Variants in RAB31 observed in about 807,000 individuals in gnomAD.
RAB31 encodes ras-related protein Rab-31.
A neutral mutation model predicts 25.6 loss-of-function variants in RAB31; 21 were observed. The observed-to-expected ratio is 0.82, with a 90% CI of 0.58 to 1.18. RAB31 has a LOEUF of 1.18. Ranked by LOEUF, RAB31 falls within the 50% of genes most tolerant of loss-of-function variation. RAB31 has a pLI of 0.00. For missense variants in RAB31, 196 were observed against 250.1 expected (o/e 0.78, Z 1.46); for synonymous variants, 87 against 84.0 (o/e 1.04, Z -0.20).
At chr18:9,770,819 C>A (rs1388966749) in intron 1 of RAB31, among the ~76,000 whole-genome samples, 1 of 150,080 alleles carries the variant, frequency 6.7e-6, no homozygotes, top group Non-Finnish European at 1.5e-5. Flanking sequence ...CCAGAAAGCA[C>A]TAGTAAAGTA....
chr18:9,769,926 C>G (rs1471780748), intron 1 of RAB31, among the ~76,000 whole-genome samples: 2 of 152,330 alleles, frequency 1.3e-5, no homozygotes, highest in South Asian at 2.1e-4. Flanking sequence ...GCCTTTTCTG[C>G]ATCTATTGAG....
At chr18:9,732,263 G>A (rs1021915660) in intron 1 of RAB31, among the ~76,000 whole-genome samples, 6 of 152,122 alleles carry the variant, frequency 3.9e-5, no homozygotes, top group Admixed American at 1.3e-4. Context: ...GGAGAGGGCC[G>A]GTCACCGGAT....
At chr18:9,775,445 G>C in intron 2 of RAB31, 88 bp downstream of exon 2, 1 of 1,570,932 alleles carries the variant, frequency 6.4e-7, no homozygotes, top group South Asian at 1.1e-5. Flanking sequence ...CCTTCAGGCA[G>C]GGCCACAGTT....
chr18:9,729,526 CA>C (rs11431212), intron 1 of RAB31, among the ~76,000 whole-genome samples: 216 of 131,532 alleles, frequency 1.6e-3, no homozygotes, highest in Middle Eastern at 4.2e-3. Flanking sequence ...GACTCCGTCT[CA>C]AAAAAAAAAA....
Position 9,731,164 on chromosome 18 carries a change from C to T in RAB31, c.39+22720C>T, listed in dbSNP as rs1048292348. On this transcript the variant is annotated intron_variant, in intron 1 of 6. Transcript: ENST00000578921. ...CTCACTGTGTTGATCAGGCTGGTCT[C>T]GAACTCCTGGACTCAAGTGATCGTC... 3.9e-5 allele frequency among the ~76,000 whole-genome samples: 6 copies of T among 152,254 alleles called. No individual in the cohort carries two copies. In the East Asian group the frequency reaches 9.7e-4, roughly 25 times the overall value.
intron 6 of RAB31, among the ~76,000 whole-genome samples, chr18:9,853,423 G>T (rs937426741): frequency 3.3e-5 from 5 of 152,176 alleles, no homozygotes; most frequent in African/African-American, 1.2e-4. Context: ...AGTGAAAGGA[G>T]CCAATCTGAA....
At chr18:9,754,570 G>A (rs886199267) in intron 1 of RAB31, among the ~76,000 whole-genome samples, 11 of 152,266 alleles carry the variant, frequency 7.2e-5, no homozygotes, top group African/African-American at 2.4e-4. Flanking sequence ...GTGAGTCACT[G>A]CACCCAGCCC....
chr18:9,800,571 C>T (rs1343119990), intron 3 of RAB31, among the ~76,000 whole-genome samples: 2 of 152,106 alleles, frequency 1.3e-5, no homozygotes, highest in Non-Finnish European at 2.9e-5. Context: ...TTTCCCTGAC[C>T]CCCTTCTTAC....
chr18:9,710,999 GT>G (rs2068014277), intron 1 of RAB31, among the ~76,000 whole-genome samples: 1 of 150,156 alleles, frequency 6.7e-6, no homozygotes, highest in Non-Finnish European at 1.5e-5. Context: ...AAATGACCTT[GT>G]TGTCCACACT....
chr18:9,843,417 G>A (rs574774759), intron 5 of RAB31, among the ~76,000 whole-genome samples: 62 of 151,862 alleles, frequency 4.1e-4, no homozygotes, highest in Non-Finnish European at 7.1e-4. Context: ...GTGGTGGTGC[G>A]CACCTGTAAT....
intron 1 of RAB31, among the ~76,000 whole-genome samples, chr18:9,732,989 G>A (rs763939714): frequency 5.3e-5 from 8 of 152,214 alleles, no homozygotes; most frequent in Non-Finnish European, 1.0e-4. Context: ...CAATGGTGAT[G>A]AGCTGAGCTT....
intron 3 of RAB31, among the ~76,000 whole-genome samples, chr18:9,797,732 C>G (rs544342412): frequency 1.3e-5 from 2 of 152,304 alleles, no homozygotes; most frequent in East Asian, 1.9e-4. Context: ...TCAGATATCT[C>G]TACGTGATTG....
chr18:9,856,929 A>G (rs866620062), intron 6 of RAB31, among the ~76,000 whole-genome samples: 4 of 151,876 alleles, frequency 2.6e-5, no homozygotes, highest in African/African-American at 7.2e-5. Context: ...TTCCTTCTCT[A>G]TTTATCACTT....
intron 1 of RAB31, among the ~76,000 whole-genome samples, chr18:9,761,206 T>A (rs985202530): frequency 2.0e-5 from 3 of 152,158 alleles, no homozygotes; most frequent in Non-Finnish European, 2.9e-5. Flanking sequence ...GAGAGTAGAC[T>A]CCTGTAGGAA....
At chr18:9,805,722 G>T (rs971795443) in intron 3 of RAB31, among the ~76,000 whole-genome samples, 1 of 152,226 alleles carries the variant, frequency 6.6e-6, no homozygotes, top group African/African-American at 2.4e-5. Flanking sequence ...TTCAAACAGT[G>T]AGATACTGTT....
intron 1 of RAB31, among the ~76,000 whole-genome samples, chr18:9,748,112 C>T (rs568372595): frequency 4.6e-5 from 7 of 152,244 alleles, no homozygotes; most frequent in East Asian, 1.9e-4. Context: ...TGGCGTATCT[C>T]GCAGAAGCAA....
At chr18:9,764,865 G>A (rs1490197903) in intron 1 of RAB31, among the ~76,000 whole-genome samples, 1 of 152,108 alleles carries the variant, frequency 6.6e-6, no homozygotes, top group Admixed American at 6.5e-5. Flanking sequence ...ATTTACTTCT[G>A]TAAGGAATAT....
At chr18:9,716,130 C>G (rs2068043325) in intron 1 of RAB31, among the ~76,000 whole-genome samples, 1 of 152,174 alleles carries the variant, frequency 6.6e-6, no homozygotes, top group South Asian at 2.1e-4. Flanking sequence ...TCTTTAGTCA[C>G]TGTGCATCTA....
At chr18:9,774,878 G>A in intron 1 of RAB31, 1 of 519,734 alleles carries the variant, frequency 1.9e-6, no homozygotes, top group Non-Finnish European at 3.8e-6. Flanking sequence ...CAGATTACGT[G>A]TCTTTTGAAT....
Sources: gnomAD v4.1 joint callset for allele counts (sites outside exome capture counted in the v4.1 genomes callset) on GRCh38, gnomAD v4.1.1 for gene constraint, MANE v1.5 for transcripts, NCBI Gene and HGNC (gene_info 2026-07-23, HGNC 2026-07-21) for gene names.